MCTP1: variants seen among roughly 807,000 people sequenced by gnomAD.
MCTP1 encodes multiple C2 and transmembrane domain-containing protein 1.
Under a neutral mutation model 120.6 loss-of-function variants are expected in MCTP1, and 69 were observed. The observed-to-expected ratio is 0.57, with a 90% confidence interval of 0.47 to 0.70. MCTP1 has a LOEUF of 0.70. Ranked by LOEUF, MCTP1 falls within the 30% of genes least tolerant of loss-of-function variation. The pLI is 0.00. For synonymous variants in MCTP1, 529 were observed against 493.1 expected (o/e 1.07, Z -0.96); for missense variants, 1,203 against 1,248.8 (o/e 0.96, Z 0.55).
At chr5:95,121,579 C>T (rs1758244949) in intron 1 of MCTP1, among the ~76,000 whole-genome samples, 1 of 151,620 alleles carries the variant, frequency 6.6e-6, no homozygotes, top group Non-Finnish European at 1.5e-5. Context: ...CCAACCAAAG[C>T]AATCTATACA....
At chr5:95,213,935 A>C (rs1485508810) in intron 1 of MCTP1, among the ~76,000 whole-genome samples, 1 of 152,186 alleles carries the variant, frequency 6.6e-6, no homozygotes, top group Non-Finnish European at 1.5e-5. Context: ...AGGCATTACC[A>C]TTCAGGACAT....
intron 1 of MCTP1, among the ~76,000 whole-genome samples, chr5:95,152,111 C>T (rs1760948807): frequency 6.6e-6 from 1 of 152,142 alleles, no homozygotes; most frequent in Non-Finnish European, 1.5e-5. Context: ...TTAATACAGT[C>T]AAAATAGTAA....
intron 19 of MCTP1, among the ~76,000 whole-genome samples, chr5:94,752,515 C>G (rs1330423529): frequency 6.6e-6 from 1 of 151,982 alleles, no homozygotes; most frequent in Non-Finnish European, 1.5e-5. Context: ...TAAGGACCAC[C>G]CAGTTAAAAC....
At chr5:95,199,998 T>TA (rs1210677329) in intron 1 of MCTP1, among the ~76,000 whole-genome samples, 2 of 151,698 alleles carry the variant, frequency 1.3e-5, no homozygotes, top group Non-Finnish European at 2.9e-5. Flanking sequence ...TCGTCTCTAC[T>TA]AAAAATACAA....
chr5:94,716,216 C>CT (rs994335880), intron 19 of MCTP1, among the ~76,000 whole-genome samples: 3 of 152,148 alleles, frequency 2.0e-5, no homozygotes, highest in Non-Finnish European at 4.4e-5. Context: ...AGAAATTTGT[C>CT]TATTATTCAT....
chr5:95,012,502 T>TGGCAACACTACCTTGATCAAGTCTATC (rs1836214236), intron 2 of MCTP1, among the ~76,000 whole-genome samples: 1 of 152,176 alleles, frequency 6.6e-6, no homozygotes, highest in Non-Finnish European at 1.5e-5. Context: ...CGAAGGTTTA[T>TGGCAACACTACCTTGATCAAGTCTATC]GGCAACACTA....
chr5:94,905,241 T>G (rs1447565788), intron 10 of MCTP1, among the ~76,000 whole-genome samples: 1 of 151,872 alleles, frequency 6.6e-6, no homozygotes, highest in African/African-American at 2.4e-5. Context: ...AGGACGGGGA[T>G]AGGCAGAATA....
chr5:94,720,818 CTT>C (rs927617856), intron 19 of MCTP1, among the ~76,000 whole-genome samples: 6 of 152,148 alleles, frequency 3.9e-5, no homozygotes, highest in South Asian at 2.1e-4. Flanking sequence ...TATAAGCTAT[CTT>C]AAATTATTTT....
chr5:94,941,516 G>A (rs1488321248), intron 4 of MCTP1, among the ~76,000 whole-genome samples: 1 of 152,014 alleles, frequency 6.6e-6, no homozygotes, highest in Non-Finnish European at 1.5e-5. Flanking sequence ...GAAATAGAAA[G>A]TAGTGATCTG....
chr5:94,980,161 C>A (rs966282470), intron 2 of MCTP1, among the ~76,000 whole-genome samples: 9 of 152,032 alleles, frequency 5.9e-5, no homozygotes, highest in Admixed American at 5.9e-4. Context: ...ACAGTACTCC[C>A]AGATATATTT....
intron 19 of MCTP1, among the ~76,000 whole-genome samples, chr5:94,776,503 A>G (rs1775361413): frequency 6.6e-6 from 1 of 152,186 alleles, no homozygotes; most frequent in South Asian, 2.1e-4. Flanking sequence ...AGGGAAAGCC[A>G]AGACACTGGC....
chr5:94,903,872 C>T (rs773417598), intron 10 of MCTP1, among the ~76,000 whole-genome samples: 2 of 152,196 alleles, frequency 1.3e-5, no homozygotes, highest in Non-Finnish European at 2.9e-5. Flanking sequence ...ACTTATTCTG[C>T]ACATTCATAA....
intron 1 of MCTP1, among the ~76,000 whole-genome samples, chr5:95,219,325 T>G (rs909346680): frequency 2.8e-5 from 4 of 143,380 alleles, no homozygotes; most frequent in Non-Finnish European, 6.0e-5. Context: ...GAGCTTGCAG[T>G]GAGCCAAGAT....
intron 1 of MCTP1, among the ~76,000 whole-genome samples, chr5:95,267,073 A>G (rs553640205): frequency 6.6e-6 from 1 of 152,376 alleles, no homozygotes; most frequent in Non-Finnish European, 1.5e-5. Flanking sequence ...ATACATGGAA[A>G]TATAAAATTT....
At chr5:95,182,544 G>T (rs1748719378) in intron 1 of MCTP1, among the ~76,000 whole-genome samples, 1 of 152,076 alleles carries the variant, frequency 6.6e-6, no homozygotes, top group South Asian at 2.1e-4. Context: ...AGCAGTAAGA[G>T]ATTTTTTAAT....
chr5:95,025,798 C>G (rs1012522020), intron 1 of MCTP1, among the ~76,000 whole-genome samples: 1 of 152,140 alleles, frequency 6.6e-6, no homozygotes, highest in Admixed American at 6.6e-5. Flanking sequence ...TTTTTCTTTT[C>G]CCAACAGCCC....
intron 1 of MCTP1, among the ~76,000 whole-genome samples, chr5:95,057,994 T>C (rs991468199): frequency 1.1e-4 from 17 of 152,158 alleles, no homozygotes; most frequent in African/African-American, 4.1e-4. Context: ...ATTGGGCCTA[T>C]TTTAATTAAA....
At chr5:95,255,567 A>G (rs1163420563) in intron 1 of MCTP1, among the ~76,000 whole-genome samples, 1 of 152,140 alleles carries the variant, frequency 6.6e-6, no homozygotes, top group Non-Finnish European at 1.5e-5. Flanking sequence ...TACCCCTATG[A>G]ATAGGCGAAG....
In MCTP1 at chr5:94,834,266, G is replaced by A. The variant is rs898816374; in HGVS notation, c.2436+34067C>T. Among the ~76,000 whole-genome samples, 3 of 152,224 alleles carry A rather than the reference G, an allele frequency of 2.0e-5. No individual in the cohort carries two copies. In the South Asian group the frequency reaches 6.2e-4, roughly 32 times the overall value. On this transcript the variant is annotated intron_variant, in intron 17 of 22. Coordinates refer to ENST00000515393, the MANE Select transcript of MCTP1 (RefSeq NM_024717.7). Reference sequence around the variant, plus strand: ...CAGTCTGCATTGAAGGAACCACACAGGGCAATTGCAAAGAAATAGGTAGTT... The same window carrying A: ...CAGTCTGCATTGAAGGAACCACACAAGGCAATTGCAAAGAAATAGGTAGTT...
Sources: gnomAD v4.1 joint callset for allele counts (sites outside exome capture counted in the v4.1 genomes callset) on GRCh38, gnomAD v4.1.1 for gene constraint, MANE v1.5 for transcripts, NCBI Gene and HGNC (gene_info 2026-07-23, HGNC 2026-07-21) for gene names.